Variants in SORCS2 observed in about 807,000 individuals in gnomAD.
SORCS2 encodes the protein sortilin related VPS10 domain containing receptor 2.
Under a neutral mutation model 141.6 loss-of-function variants are expected in SORCS2, and 100 were observed. The ratio of observed to expected loss-of-function variants is 0.71; its 90% CI spans 0.60 to 0.83. The LOEUF is 0.83. Ranked by LOEUF, SORCS2 falls within the 40% of genes least tolerant of loss-of-function variation. The pLI is 0.00. For synonymous variants in SORCS2, 789 were observed against 676.9 expected (o/e 1.17, Z -2.57); for missense variants, 1,646 against 1,560.2 (o/e 1.05, Z -0.93).
chr4:7,718,536 TA>T (rs1726359036), intron 18 of SORCS2, among the ~76,000 whole-genome samples: 1 of 152,242 alleles, frequency 6.6e-6, no homozygotes. Context: ...AATACATTTT[TA>T]AAGCCTGTAA....
intron 3 of SORCS2, among the ~76,000 whole-genome samples, chr4:7,559,122 C>T (rs1213006516): frequency 6.6e-6 from 1 of 152,178 alleles, no homozygotes; most frequent in Non-Finnish European, 1.5e-5. Context: ...GAGGGGTTCC[C>T]TCTGCCTGGA....
At chr4:7,665,679 T>A (rs192107555) in intron 7 of SORCS2, among the ~76,000 whole-genome samples, 49 of 152,304 alleles carry the variant, frequency 3.2e-4, no homozygotes, top group African/African-American at 1.2e-3. Flanking sequence ...TACACCTGAC[T>A]CAGGCAAGCT....
intron 1 of SORCS2, among the ~76,000 whole-genome samples, chr4:7,279,433 G>A (rs1037141433): frequency 5.3e-5 from 8 of 152,210 alleles, no homozygotes; most frequent in Non-Finnish European, 1.2e-4. Flanking sequence ...ACCGGATGGT[G>A]ATGTCAGTGG....
intron 1 of SORCS2, among the ~76,000 whole-genome samples, chr4:7,270,983 C>T (rs1392800584): frequency 6.6e-6 from 1 of 152,224 alleles, no homozygotes; most frequent in African/African-American, 2.4e-5. Flanking sequence ...CTGCTGTATG[C>T]ACTGGGCAGG....
intron 1 of SORCS2, among the ~76,000 whole-genome samples, chr4:7,320,887 C>T (rs1323802501): frequency 6.6e-6 from 1 of 151,434 alleles, no homozygotes; most frequent in Non-Finnish European, 1.5e-5. Context: ...CTCCCTTCCC[C>T]TCCCCTCCCT....
chr4:7,658,522 G>A (rs1721949648), intron 5 of SORCS2, among the ~76,000 whole-genome samples: 1 of 151,940 alleles, frequency 6.6e-6, no homozygotes, highest in South Asian at 2.1e-4. Flanking sequence ...GCTTACAAAT[G>A]GTCTATTCAC....
Position 7,672,862 on chromosome 4 carries a change from G to A in SORCS2, c.1162-3188G>A, listed in dbSNP as rs528923160. Reference sequence around the variant, plus strand: ...TGAGATGCTAGTGGAATTGTCCTACGTGGCTTCTTAGAGCTCTCTAATAAA... The same window carrying A: ...TGAGATGCTAGTGGAATTGTCCTACATGGCTTCTTAGAGCTCTCTAATAAA... On this transcript the variant is annotated intron_variant, in intron 8 of 26. Coordinates refer to ENST00000507866, the MANE Select transcript of SORCS2 (RefSeq NM_020777.3). 3.8e-4 allele frequency among the ~76,000 whole-genome samples: 58 copies of A among 152,290 alleles called. No individual in the cohort carries two copies. In the South Asian group the frequency reaches 0.01, roughly 27 times the overall value.
In SORCS2 at chr4:7,618,253, C is replaced by T. The variant is rs766385096; in HGVS notation, c.649-20075C>T. On this transcript the variant is annotated intron_variant, in intron 3 of 26. Coordinates refer to ENST00000507866, the MANE Select transcript of SORCS2 (RefSeq NM_020777.3). ...ATTCCCCCTCTATCCCCTCACCCCACCTCAGATGCACTAGTGAGGTCTGTG... is the reference window on the plus strand; with the variant it reads ...ATTCCCCCTCTATCCCCTCACCCCATCTCAGATGCACTAGTGAGGTCTGTG... 3.9e-5 allele frequency among the ~76,000 whole-genome samples: 6 copies of T among 152,280 alleles called. No homozygotes were observed. In the Middle Eastern group the frequency reaches 0.01, roughly 261 times the overall value.
intron 4 of SORCS2, 88 bp downstream of exon 4, chr4:7,638,580 G>C (rs1720424725): frequency 7.1e-7 from 1 of 1,405,654 alleles, no homozygotes; most frequent in African/African-American, 1.5e-5. Flanking sequence ...GGAGCAAGTG[G>C]GACCCGGAAC....
At chr4:7,605,686 G>A (rs1718011559) in intron 3 of SORCS2, among the ~76,000 whole-genome samples, 1 of 152,154 alleles carries the variant, frequency 6.6e-6, no homozygotes, top group Admixed American at 6.6e-5. Flanking sequence ...CTCCCTGGTG[G>A]ATGTTTTGGG....
At chr4:7,381,263 G>A (rs553628990) in intron 1 of SORCS2, among the ~76,000 whole-genome samples, 18 of 152,302 alleles carry the variant, frequency 1.2e-4, no homozygotes, top group Admixed American at 2.0e-4. Context: ...GGGGATGGCC[G>A]CTTTGACTCG....
intron 1 of SORCS2, among the ~76,000 whole-genome samples, chr4:7,350,909 C>A (rs1467096535): frequency 6.6e-6 from 1 of 152,160 alleles, no homozygotes; most frequent in African/African-American, 2.4e-5. Context: ...GCCCACCCAA[C>A]TTCATCTTCT....
At chr4:7,503,740 A>T (rs906525054) in intron 2 of SORCS2, among the ~76,000 whole-genome samples, 2 of 152,210 alleles carry the variant, frequency 1.3e-5, no homozygotes, top group African/African-American at 4.8e-5. Context: ...CCAGAGGCTA[A>T]TGCAGGCCCA....
At chr4:7,733,007 C>T (rs891137637) in intron 23 of SORCS2, among the ~76,000 whole-genome samples, 4 of 148,594 alleles carry the variant, frequency 2.7e-5, no homozygotes, top group African/African-American at 5.0e-5. Context: ...TCCCCTACTT[C>T]CGGTAGATCC....
At chr4:7,217,808 C>T (rs12501357) in intron 1 of SORCS2, among the ~76,000 whole-genome samples, 47,187 of 152,164 alleles carry the variant, frequency 0.31, 8,104 homozygotes, top group Non-Finnish European at 0.39. Flanking sequence ...GGTGAAGCTC[C>T]GACCTGTGGG....
At chr4:7,293,709 T>C (rs1716764084) in intron 1 of SORCS2, among the ~76,000 whole-genome samples, 1 of 152,240 alleles carries the variant, frequency 6.6e-6, no homozygotes, top group Non-Finnish European at 1.5e-5. Flanking sequence ...GATTCTCTAC[T>C]GGCGATCCCT....
At chr4:7,720,126 C>T (rs1726489084) in intron 18 of SORCS2, among the ~76,000 whole-genome samples, 1 of 152,204 alleles carries the variant, frequency 6.6e-6, no homozygotes, top group East Asian at 1.9e-4. Flanking sequence ...CACACTCACA[C>T]ACTGTCTCAC....
At chr4:7,637,464 C>T (rs1276728946) in intron 3 of SORCS2, among the ~76,000 whole-genome samples, 2 of 152,214 alleles carry the variant, frequency 1.3e-5, no homozygotes, top group African/African-American at 4.8e-5. Context: ...GGTCTTTGAG[C>T]GCTCACCTGT....
chr4:7,382,128 G>A (rs1577474588), intron 1 of SORCS2: 2 of 333,170 alleles, frequency 6.0e-6, no homozygotes, highest in Non-Finnish European at 8.6e-6. Flanking sequence ...CTGGTGGAGC[G>A]GGGAGGCATT....
Sources: gnomAD v4.1 joint callset for allele counts (sites outside exome capture counted in the v4.1 genomes callset) on GRCh38, gnomAD v4.1.1 for gene constraint, MANE v1.5 for transcripts, NCBI Gene and HGNC (gene_info 2026-07-23, HGNC 2026-07-21) for gene names.